TACC1: variants seen among roughly 807,000 people sequenced by gnomAD.
TACC1 encodes the protein transforming acidic coiled-coil containing protein 1, also known as transforming acidic coiled-coil-containing protein 1.
In TACC1, 48 loss-of-function variants were observed where a neutral mutation model predicts 84.4. The observed-to-expected ratio is 0.57, with a 90% CI of 0.45 to 0.72. The LOEUF (loss-of-function observed/expected upper bound fraction) is 0.72. Ranked by LOEUF, TACC1 falls within the 30% of genes least tolerant of loss-of-function variation. The probability of loss-of-function intolerance (pLI) is 0.00; values close to 1 mark genes in which losing one functional copy is unlikely to be tolerated. For missense variants in TACC1, 920 were observed against 973.0 expected (o/e 0.95, Z 0.72); for synonymous variants, 372 against 376.3 (o/e 0.99, Z 0.13).
At chr8:38,837,320 G>C (rs1488845603) in intron 7 of TACC1, among the ~76,000 whole-genome samples, 1 of 151,920 alleles carries the variant, frequency 6.6e-6, no homozygotes, top group Admixed American at 6.6e-5. Flanking sequence ...CTACTTGGGA[G>C]GCTGAGGTGG....
chr8:38,746,251 A>G (rs957171005), intron 3 of TACC1, among the ~76,000 whole-genome samples: 7 of 152,254 alleles, frequency 4.6e-5, no homozygotes, highest in Non-Finnish European at 1.0e-4. Context: ...GGGACATTTC[A>G]TCAGAGAAAT....
intron 3 of TACC1, among the ~76,000 whole-genome samples, chr8:38,761,260 A>T (rs1369775116): frequency 1.3e-5 from 2 of 152,200 alleles, no homozygotes; most frequent in Non-Finnish European, 2.9e-5. Context: ...TATGAGACAA[A>T]GCAGAACCTG....
chr8:38,846,899 C>A, intron 12 of TACC1, 80 bp downstream of exon 12: 2 of 1,549,386 alleles, frequency 1.3e-6, no homozygotes, highest in East Asian at 2.3e-5. Flanking sequence ...AATGACAGAT[C>A]TGGGTGAAAG....
At chr8:38,825,436 CT>C in intron 4 of TACC1, 68 bp downstream of exon 4, 1 of 1,579,686 alleles carries the variant, frequency 6.3e-7, no homozygotes. Flanking sequence ...TTGCATCCCC[CT>C]GGCGGGTGGT....
At position 38,852,488 on chromosome 8, in the gene TACC1, C is replaced by T. The variant is rs1230297656; in HGVS notation, c.*4465C>T. 1 of 152,604 alleles carries T rather than the reference C, an allele frequency of 6.6e-6. No homozygotes were observed. Among genetic ancestry groups the T allele is most frequent in the Non-Finnish European group, 1.5e-5 (1 of 68,198 alleles). The allele number at this position is 152,604 out of a possible 1,614,324, so 9.5% of individuals were successfully genotyped here. A position where few individuals can be genotyped will look rare whatever the true frequency, so the allele number is the denominator to read the frequency against. ...GACATATACTCAAAACAGTAATTTC[C>T]TGGTCACATCATTAACTGCTAATTC... is the stretch of plus-strand genomic sequence containing the variant. On this transcript the variant is annotated 3_prime_UTR_variant, in exon 13 of 13. Transcript: ENST00000317827.
intron 6 of TACC1, among the ~76,000 whole-genome samples, chr8:38,832,950 A>G (rs771571965): frequency 1.3e-5 from 2 of 152,176 alleles, no homozygotes; most frequent in Non-Finnish European, 2.9e-5. Flanking sequence ...TTGTCTATAG[A>G]CTGGTCTTTG....
At chr8:38,746,944 T>C (rs1808196843) in intron 3 of TACC1, among the ~76,000 whole-genome samples, 1 of 152,142 alleles carries the variant, frequency 6.6e-6, no homozygotes, top group Non-Finnish European at 1.5e-5. Context: ...ACAAAAATGA[T>C]AGACTCATAC....
rs7015561 is a variant in TACC1, at chr8:38,743,504, T to C, written c.-574+1053T>C. On this transcript the variant is annotated intron_variant, in intron 2 of 14. Transcript: ENST00000518415. ...TGGGCAGTGTTAGGGTTAGGGCTAG[T>C]TTACAGAGCACTCCTTATCTATAGA... 6.5e-3 allele frequency among the ~76,000 whole-genome samples: 986 copies of C among 152,180 alleles called. 14 individuals are homozygous for C. Among genetic ancestry groups the C allele is most frequent in the African/African-American group, 0.022 (922 of 41,514 alleles).
At position 38,849,417 on chromosome 8, in the gene TACC1, C is replaced by T. The variant is rs1832810797; in HGVS notation, c.*1394C>T. The T allele has an allele frequency of 6.6e-6, 1 of 152,178 alleles. No homozygotes were observed. The highest frequency in any genetic ancestry group is 6.5e-5 in the Admixed American group (1 of 15,284). The allele number at this position is 152,178 out of a possible 1,614,324, so 9.4% of individuals were successfully genotyped here. A position where few individuals can be genotyped will look rare whatever the true frequency, so the allele number is the denominator to read the frequency against. ...TTCATTTGAATAGGCAAACCCAAAT[C>T]CATGCAAGTGTTTTAAAGCACTGTC... On this transcript the variant is annotated 3_prime_UTR_variant, in exon 13 of 13. Transcript: ENST00000317827.
intron 2 of TACC1, among the ~76,000 whole-genome samples, chr8:38,789,872 G>T (rs1265285935): frequency 6.6e-6 from 1 of 152,230 alleles, no homozygotes; most frequent in Non-Finnish European, 1.5e-5. Flanking sequence ...AGCAGGAGGA[G>T]CTGAAGTCAG....
intron 2 of TACC1, among the ~76,000 whole-genome samples, chr8:38,815,551 C>CT (rs1260007764): frequency 6.6e-6 from 1 of 152,008 alleles, no homozygotes; most frequent in Admixed American, 6.6e-5. Context: ...TCCCAAGAAA[C>CT]TGAGATTACA....
chr8:38,737,977 T>G (rs548522717), intron 1 of TACC1, among the ~76,000 whole-genome samples: 1 of 152,236 alleles, frequency 6.6e-6, no homozygotes, highest in South Asian at 2.1e-4. Flanking sequence ...TCTGCCCGCC[T>G]CAGCCTCCCA....
intron 3 of TACC1, among the ~76,000 whole-genome samples, chr8:38,825,097 C>G (rs1359176764): frequency 5.9e-5 from 9 of 152,080 alleles, no homozygotes; most frequent in Admixed American, 5.2e-4. Context: ...GAGAATGAGC[C>G]CCGCTTGTAG....
intron 3 of TACC1, chr8:38,757,279 A>G (rs1810262511): frequency 2.4e-6 from 3 of 1,225,822 alleles, no homozygotes; most frequent in South Asian, 2.6e-5. Flanking sequence ...GTCTGGGCAC[A>G]GCCGCCCGCC....
intron 3 of TACC1, among the ~76,000 whole-genome samples, chr8:38,750,053 G>A (rs1808758781): frequency 1.3e-5 from 2 of 152,136 alleles, no homozygotes; most frequent in Non-Finnish European, 2.9e-5. Flanking sequence ...AGGTCTTTTA[G>A]TCCTAGCCAC....
chr8:38,743,539 A>G (rs1382022979), intron 2 of TACC1, among the ~76,000 whole-genome samples: 1 of 152,108 alleles, frequency 6.6e-6, no homozygotes, highest in Admixed American at 6.6e-5. Flanking sequence ...AGTAGGGTGA[A>G]ATGATTGCTG....
At chr8:38,842,555 G>C (rs981862530) in intron 10 of TACC1, 108 bp downstream of exon 10, 1 of 1,198,536 alleles carries the variant, frequency 8.3e-7, no homozygotes, top group Non-Finnish European at 1.2e-6. Flanking sequence ...CTTTTAAATA[G>C]GAGCTCAGGG....
At position 38,733,222 on chromosome 8, in the gene TACC1, G is replaced by C. The variant is rs145658779; in HGVS notation, c.-675+4551G>C. 5.9e-5 allele frequency among the ~76,000 whole-genome samples: 9 copies of C among 151,906 alleles called. No individual in the cohort carries two copies. In the East Asian group the frequency reaches 1.7e-3, roughly 29 times the overall value. On this transcript the variant is annotated intron_variant, in intron 1 of 14. Transcript: ENST00000518415. Reference sequence around the variant, plus strand: ...ATCTCAGTCACACTCTAACAAGACAGAGACGATCCCAGCTGTGGACTCCCA... The same window carrying C: ...ATCTCAGTCACACTCTAACAAGACACAGACGATCCCAGCTGTGGACTCCCA...
At chr8:38,754,960 A>G (rs951239439) in intron 3 of TACC1, among the ~76,000 whole-genome samples, 4 of 152,222 alleles carry the variant, frequency 2.6e-5, no homozygotes, top group Non-Finnish European at 5.9e-5. Context: ...CAGGAGTTCA[A>G]TACAGCCTGG....
Sources: allele counts gnomAD v4.1 joint callset (sites outside exome capture counted in the v4.1 genomes callset), GRCh38; gene constraint gnomAD v4.1.1; transcripts MANE v1.5; gene names NCBI Gene and HGNC (gene_info 2026-07-23, HGNC 2026-07-21).